CSMD3: variants seen among roughly 807,000 people sequenced by gnomAD.
CSMD3 encodes the protein CUB and sushi domain-containing protein 3.
A neutral mutation model predicts 435.2 loss-of-function variants in CSMD3; 177 were observed. That is an observed-to-expected ratio of 0.41 (90% CI 0.36 to 0.46). The LOEUF (loss-of-function observed/expected upper bound fraction) is 0.46, where lower values mean the gene tolerates loss of function less well. Ranked by LOEUF, CSMD3 falls within the 20% of genes least tolerant of loss-of-function variation. The pLI, the probability that CSMD3 is intolerant of heterozygous loss-of-function variation, is 0.34. For missense variants in CSMD3, 4,265 were observed against 4,504.6 expected, an observed-to-expected ratio of 0.95 and a Z score of 1.52; for synonymous variants, 1,656 against 1,520.5, an observed-to-expected ratio of 1.09 and a Z score of -2.07.
intron 5 of CSMD3, among the ~76,000 whole-genome samples, chr8:113,044,168 G>C (rs2087736062): frequency 6.6e-6 from 1 of 152,034 alleles, no homozygotes; most frequent in South Asian, 2.1e-4. Context: ...ATCTGAGATT[G>C]ATATTTCAAA....
At chr8:112,343,004 T>TATATAA (rs1259225082) in intron 41 of CSMD3, among the ~76,000 whole-genome samples, 1 of 93,644 alleles carries the variant, frequency 1.1e-5, no homozygotes, top group African/African-American at 3.2e-5. Context: ...TATATATTTA[T>TATATAA]ATATATATAT....
chr8:112,899,813 A>C (rs1444979434), intron 10 of CSMD3, among the ~76,000 whole-genome samples: 1 of 148,608 alleles, frequency 6.7e-6, no homozygotes, highest in Non-Finnish European at 1.5e-5. Flanking sequence ...AGTGTCATAT[A>C]TATATATATG....
intron 5 of CSMD3, among the ~76,000 whole-genome samples, chr8:113,087,151 T>C (rs2089816797): frequency 6.6e-6 from 1 of 152,186 alleles, no homozygotes; most frequent in South Asian, 2.1e-4. Context: ...ATGGTTGTTT[T>C]TGTCTTTCTA....
At chr8:112,565,267 A>G (rs1828971218) in intron 24 of CSMD3, among the ~76,000 whole-genome samples, 1 of 152,080 alleles carries the variant, frequency 6.6e-6, no homozygotes, top group Non-Finnish European at 1.5e-5. Context: ...AACCACATGG[A>G]GGGGCTTTGT....
intron 1 of CSMD3, among the ~76,000 whole-genome samples, chr8:113,416,554 C>G (rs563381065): frequency 6.6e-6 from 1 of 152,200 alleles, no homozygotes; most frequent in Admixed American, 6.5e-5. Context: ...CTGTTACCTC[C>G]ATGCAGGTAT....
chr8:112,424,579 T>G (rs1164902726), intron 32 of CSMD3, among the ~76,000 whole-genome samples: 1 of 152,224 alleles, frequency 6.6e-6, no homozygotes, highest in Non-Finnish European at 1.5e-5. Flanking sequence ...GGTAATTCCC[T>G]AAAATTATTC....
intron 18 of CSMD3, 132 bp downstream of exon 18, chr8:112,656,022 T>G: frequency 3.3e-6 from 2 of 613,044 alleles, no homozygotes; most frequent in Non-Finnish European, 5.8e-6. Context: ...TATAAAGCAT[T>G]AACATTCTTA....
At chr8:112,694,402 A>C (rs2131844075) in intron 13 of CSMD3, among the ~76,000 whole-genome samples, 1 of 152,272 alleles carries the variant, frequency 6.6e-6, no homozygotes, top group Middle Eastern at 3.4e-3. Context: ...GCCTCAAAAC[A>C]ATTGTAAATG....
chr8:113,207,585 A>T (rs941387709), intron 3 of CSMD3, among the ~76,000 whole-genome samples: 15 of 151,664 alleles, frequency 9.9e-5, no homozygotes, highest in African/African-American at 3.1e-4. Context: ...ATTTCACCAT[A>T]TTGGCCAGGC....
At chr8:112,899,216 T>C (rs2082033075) in intron 10 of CSMD3, among the ~76,000 whole-genome samples, 1 of 151,052 alleles carries the variant, frequency 6.6e-6, no homozygotes, top group Non-Finnish European at 1.5e-5. Flanking sequence ...ACACTAATCT[T>C]ACAATTGTCC....
intron 1 of CSMD3, among the ~76,000 whole-genome samples, chr8:113,430,256 G>C (rs2094663426): frequency 6.6e-6 from 1 of 152,184 alleles, no homozygotes; most frequent in South Asian, 2.1e-4. Context: ...AGTTCATACA[G>C]GCTTTGCATG....
At chr8:112,492,434 A>G (rs1445558448) in intron 31 of CSMD3, 55 bp downstream of exon 31, 2 of 1,374,456 alleles carry the variant, frequency 1.5e-6, no homozygotes, top group Non-Finnish European at 1.0e-6. Context: ...ATGTCTTTAA[A>G]TATTTTTTGA....
intron 10 of CSMD3, among the ~76,000 whole-genome samples, chr8:112,899,852 C>T (rs1475272694): frequency 6.8e-6 from 1 of 147,288 alleles, no homozygotes; most frequent in Admixed American, 6.8e-5. Flanking sequence ...GAGAGAGAGT[C>T]AGAGAGAGAG....
At chr8:113,347,574 G>A (rs1023902579) in intron 1 of CSMD3, among the ~76,000 whole-genome samples, 1 of 152,078 alleles carries the variant, frequency 6.6e-6, no homozygotes, top group African/African-American at 2.4e-5. Flanking sequence ...CAGCTAAGAT[G>A]ACATTGCCAT....
chr8:113,114,290 C>A (rs1418421548), intron 4 of CSMD3, among the ~76,000 whole-genome samples: 1 of 151,802 alleles, frequency 6.6e-6, no homozygotes, highest in Admixed American at 6.6e-5. Context: ...TGAAAAGAAG[C>A]GAGACCAGTC....
chr8:113,398,289 T>A (rs2094493529), intron 1 of CSMD3, among the ~76,000 whole-genome samples: 1 of 152,150 alleles, frequency 6.6e-6, no homozygotes, highest in African/African-American at 2.4e-5. Flanking sequence ...CCCAAAGCTA[T>A]TTAATGACGT....
chr8:112,656,889 A>C (rs143591647), intron 17 of CSMD3, among the ~76,000 whole-genome samples: 1 of 152,142 alleles, frequency 6.6e-6, no homozygotes, highest in Non-Finnish European at 1.5e-5. Flanking sequence ...CTAAGTAGGT[A>C]GTAACTAATG....
intron 32 of CSMD3, among the ~76,000 whole-genome samples, chr8:112,469,399 A>G (rs1818298476): frequency 6.6e-6 from 1 of 152,124 alleles, no homozygotes; most frequent in Non-Finnish European, 1.5e-5. Context: ...TTTTTACATA[A>G]GGATGTTAGA....
chr8:113,194,960 C>T (rs530508165), intron 3 of CSMD3, among the ~76,000 whole-genome samples: 84 of 151,108 alleles, frequency 5.6e-4, no homozygotes, highest in Non-Finnish European at 8.6e-4. Context: ...GTTACAGAAC[C>T]TTCCTCCATC....
Sources: allele counts gnomAD v4.1 joint callset (sites outside exome capture counted in the v4.1 genomes callset), GRCh38; gene constraint gnomAD v4.1.1; transcripts MANE v1.5; gene names NCBI Gene and HGNC (gene_info 2026-07-23, HGNC 2026-07-21).